CHST7: variants seen among roughly 807,000 people sequenced by gnomAD.
CHST7 encodes N-acetylglucosamine 6-O-sulfotransferase 4.
A neutral mutation model predicts 9.0 loss-of-function variants in CHST7; 5 were observed. That is an observed-to-expected ratio of 0.56 (90% confidence interval 0.29 to 1.17). The LOEUF is 1.17. CHST7 is among the 50% of genes most tolerant of loss of function. CHST7 has a pLI of 0.08. For missense variants in CHST7, 377 were observed against 485.1 expected, an observed-to-expected ratio of 0.78 and a Z score of 2.09; for synonymous variants, 244 against 237.1, an observed-to-expected ratio of 1.03 and a Z score of -0.27.
chrX:46,581,469 T>C (rs1015665886), intron 1 of CHST7, among the ~76,000 whole-genome samples: 1 of 106,069 alleles, frequency 9.4e-6, no homozygotes, highest in African/African-American at 3.4e-5. Flanking sequence ...GGCACGAGAA[T>C]TGCTTGAACC....
intron 1 of CHST7, 93 bp downstream of exon 1, chrX:46,575,516 A>G: frequency 2.7e-6 from 2 of 742,041 alleles, no homozygotes; most frequent in East Asian, 8.6e-5. Flanking sequence ...GGAGGGTACC[A>G]TGCTGGATCC....
Position 46,574,927 on chromosome X carries a change from C to T in CHST7, c.996C>T (p.Pro332=). 7.9e-6 allele frequency: 9 copies of T among 1,142,476 alleles called. No homozygotes were observed. Among genetic ancestry groups the T allele is most frequent in the Non-Finnish European group, 8.1e-6 (7 of 869,520 alleles). The allele number at this position is 1,142,476 out of a possible 1,213,427, so 94.2% of individuals were successfully genotyped here. ...ARPGGQSRAL[P]AAPRADFFLT... ...CCGGGGGCCAGTCTCGCGCGCTGCC[C>T]GCCGCGCCGCGCGCCGATTTCTTCC... is the stretch of plus-strand genomic sequence containing the variant. Residue 332 remains proline, a synonymous_variant, in exon 1 of 2, where the codon CCC becomes CCT. Coordinates refer to ENST00000276055, the MANE Select transcript of CHST7 (RefSeq NM_019886.4).
chrX:46,584,925 G>C lies in CHST7; in HGVS notation c.*31+9502G>C, dbSNP rs142401798. Among the ~76,000 whole-genome samples the C allele has an allele frequency of 4.3e-3, 481 of 111,549 alleles. 3 individuals are homozygous for C. The highest frequency in any genetic ancestry group is 0.015 in the African/African-American group (458 of 30,684). On this transcript the variant is annotated intron_variant, in intron 1 of 1. Transcript: ENST00000276055. ...GATAAGGTAGACATTAGGAAAAATT[G>C]TACCAGAGCTTTGAGGTCACTTTTC...
intron 1 of CHST7, among the ~76,000 whole-genome samples, chrX:46,589,820 C>T (rs1434358889): frequency 1.8e-5 from 2 of 111,134 alleles, no homozygotes; most frequent in African/African-American, 6.5e-5. Context: ...GAGGCCAACA[C>T]GGGGGAATAG....
intron 1 of CHST7, among the ~76,000 whole-genome samples, chrX:46,580,022 A>T (rs1357271854): frequency 9.2e-6 from 1 of 108,629 alleles, no homozygotes; most frequent in African/African-American, 3.4e-5. Context: ...TGAAAAGTGA[A>T]GCTGTTGCTT....
At position 46,573,968 on chromosome X, in the gene CHST7, A is replaced by C; in HGVS notation, c.37A>C (p.Lys13Gln). The change falls in exon 1 of 2, where the codon AAG (lysine) becomes CAG (glutamine). Residue 13 changes from lysine to glutamine, a missense_variant. By Grantham distance (53) the Lys-to-Gln change is moderately conservative. Around this residue, in one of 3 missense-constraint regions of CHST7, gnomAD observed 239 missense variants for 325.7 expected, o/e 0.73. Coordinates refer to ENST00000276055, the MANE Select transcript of CHST7 (RefSeq NM_019886.4). ...GCGGCGGCGACGCCGAGAGTACTGC[A>C]AGTTCGCGCTGCTGTTGGTGCTGTA... ...GRRRRRREYC[K>Q]FALLLVLYTL... 1 of 1,155,213 alleles carries C rather than the reference A, an allele frequency of 8.7e-7. No individual in the cohort carries two copies. Among genetic ancestry groups the C allele is most frequent in the South Asian group, 1.9e-5 (1 of 52,652 alleles).
intron 1 of CHST7, among the ~76,000 whole-genome samples, chrX:46,586,822 G>A (rs900813477): frequency 3.7e-5 from 4 of 108,442 alleles, no homozygotes; most frequent in African/African-American, 1.4e-4. Flanking sequence ...CACAACCTCC[G>A]CCTCCCAGGT....
At chrX:46,596,911 T>C (rs952814560) in intron 1 of CHST7, among the ~76,000 whole-genome samples, 8 of 103,500 alleles carry the variant, frequency 7.7e-5, no homozygotes, top group African/African-American at 2.5e-4. Flanking sequence ...CATGCCACTG[T>C]ACTCCAGCCT....
intron 1 of CHST7, among the ~76,000 whole-genome samples, chrX:46,578,915 TTTTA>T (rs1038428300): frequency 9.0e-6 from 1 of 110,703 alleles, no homozygotes; most frequent in Non-Finnish European, 1.9e-5. Context: ...TGAGGAGCTT[TTTTA>T]TTTATTTTTT....
chrX:46,586,447 C>T lies in CHST7; in HGVS notation c.*31+11024C>T, dbSNP rs1204657694. 2.7e-5 allele frequency among the ~76,000 whole-genome samples: 3 copies of T among 111,897 alleles called. No homozygotes were observed. In the Admixed American group the frequency reaches 2.8e-4, roughly 11 times the overall value. On this transcript the variant is annotated intron_variant, in intron 1 of 1. Transcript: ENST00000276055. ...CTTCAGTTGCTCATTTGACTGATAACCCCTATGGGGACCAATGGCAGCCTG... is the reference window on the plus strand; with the variant it reads ...CTTCAGTTGCTCATTTGACTGATAATCCCTATGGGGACCAATGGCAGCCTG...
chrX:46,588,243 G>C (rs1379236319), intron 1 of CHST7, among the ~76,000 whole-genome samples: 2 of 110,826 alleles, frequency 1.8e-5, no homozygotes, highest in African/African-American at 6.6e-5. Flanking sequence ...AATTCAAGGA[G>C]TAGAAATGAG....
rs1367304317 is a variant in CHST7, at chrX:46,575,110, C to T, written c.1179C>T (p.Ser393=). Residue 393 remains serine (S), a synonymous_variant, in exon 1 of 2, where the codon TCC becomes TCT. Transcript: ENST00000276055. ...RAQLRRLLRF[S]GLRALAALDA... is the part of the protein sequence containing the mutation. ...AGCTGCGCCGCCTGCTGCGCTTCTC[C>T]GGGCTACGCGCGCTCGCAGCGCTCG... 4 of 1,107,676 alleles carry T rather than the reference C, an allele frequency of 3.6e-6. No homozygotes were observed. Among genetic ancestry groups the T allele is most frequent in the Admixed American group, 6.6e-5 (2 of 30,380 alleles). 91.3% of individuals were successfully genotyped at this position (1,107,676 alleles called of 1,213,427 possible). A position where few individuals can be genotyped will look rare whatever the true frequency, so the allele number is the denominator to read the frequency against.
intron 1 of CHST7, among the ~76,000 whole-genome samples, chrX:46,576,709 C>T (rs1348481968): frequency 1.8e-5 from 2 of 111,856 alleles, no homozygotes; most frequent in Non-Finnish European, 3.8e-5. Flanking sequence ...GTTAAGTTTC[C>T]ATTCATTATT....
intron 1 of CHST7, among the ~76,000 whole-genome samples, chrX:46,590,990 G>T (rs756411491): frequency 8.9e-6 from 1 of 112,558 alleles, no homozygotes; most frequent in African/African-American, 3.2e-5. Context: ...ATCCTCTGGA[G>T]ATTCATCCAG....
At chrX:46,575,657 G>A (rs1040556395) in intron 1 of CHST7, among the ~76,000 whole-genome samples, 3 of 112,421 alleles carry the variant, frequency 2.7e-5, no homozygotes, top group Non-Finnish European at 3.8e-5. Context: ...ATATTTAGGC[G>A]TGACTGAGGT....
intron 1 of CHST7, among the ~76,000 whole-genome samples, chrX:46,589,899 T>C (rs1186858366): frequency 9.0e-6 from 1 of 111,636 alleles, no homozygotes; most frequent in East Asian, 2.8e-4. Flanking sequence ...TCATTTAAGT[T>C]CTTCAAATAC....
intron 1 of CHST7, among the ~76,000 whole-genome samples, chrX:46,596,814 C>A: frequency 9.1e-6 from 1 of 109,340 alleles, no homozygotes; most frequent in East Asian, 2.8e-4. Flanking sequence ...AGGTGTGGTG[C>A]TGCACACCTG....
intron 1 of CHST7, among the ~76,000 whole-genome samples, chrX:46,589,551 A>G (rs979288196): frequency 9.4e-6 from 1 of 106,713 alleles, no homozygotes; most frequent in Non-Finnish European, 1.9e-5. Flanking sequence ...CTCTGTCTCA[A>G]AAAAAAAAAA....
intron 1 of CHST7, among the ~76,000 whole-genome samples, chrX:46,577,256 CAG>C (rs1459228515): frequency 1.1e-4 from 12 of 108,142 alleles, no homozygotes; most frequent in Non-Finnish European, 2.3e-4. Flanking sequence ...GTGTGGGTGA[CAG>C]TGACTGTGAG....
Sources: gnomAD v4.1 joint callset for allele counts (sites outside exome capture counted in the v4.1 genomes callset) on GRCh38, gnomAD v4.1.1 for gene constraint, gnomAD v4.1.1 regional missense constraint, MANE v1.5 for transcripts, NCBI Gene and HGNC (gene_info 2026-07-23, HGNC 2026-07-21) for gene names.